The following CELF4 variants were observed in gnomAD, a reference collection of about 807,000 sequenced individuals.
CELF4 encodes CUG-BP- and ETR-3-like factor 4.
Under a neutral mutation model 59.9 loss-of-function variants are expected in CELF4, and 18 were observed. The observed-to-expected ratio is 0.30, with a 90% CI of 0.21 to 0.45. CELF4 has a LOEUF of 0.45. Among genes scored for constraint, CELF4 ranks in the 20% least tolerant of loss-of-function variants. The probability of loss-of-function intolerance (pLI) is 1.00; values close to 1 mark genes in which losing one functional copy is unlikely to be tolerated. For synonymous variants in CELF4, 261 were observed against 267.1 expected, an observed-to-expected ratio of 0.98 and a Z score of 0.22; for missense variants, 456 against 689.0, an observed-to-expected ratio of 0.66 and a Z score of 3.79.
intron 2 of CELF4, among the ~76,000 whole-genome samples, chr18:37,361,591 C>A (rs867217843): frequency 3.7e-4 from 57 of 152,340 alleles, no homozygotes; most frequent in African/African-American, 1.2e-3. Context: ...CACCCCTACT[C>A]AGCTCCAGGG....
In CELF4 at chr18:37,274,824, T is replaced by C; in HGVS notation, c.638A>G (p.His213Arg). 2 of 1,605,464 alleles carry C rather than the reference T, an allele frequency of 1.2e-6. No individual in the cohort carries two copies. Among genetic ancestry groups the C allele is most frequent in the Non-Finnish European group, 8.5e-7 (1 of 1,177,260 alleles). ...ACTCACCGGCATGGTCTGGCTGCCGTGTAGCGCGTTGATGGCGGCCTGCGC... is the reference window on the plus strand; with the variant it reads ...ACTCACCGGCATGGTCTGGCTGCCGCGTAGCGCGTTGATGGCGGCCTGCGC... ...AEAQAAINALHGSQTMPGASS... is the reference protein window; with the variant it reads ...AEAQAAINALRGSQTMPGASS... The change falls in exon 5 of 13, where the codon CAC (histidine) becomes CGC (arginine). Residue 213 changes from histidine to arginine, a missense_variant. His to Arg is a conservative substitution (Grantham distance 29). Around this residue, in one of 7 missense-constraint regions of CELF4, gnomAD observed 56 missense variants for 92.0 expected, o/e 0.61. Coordinates refer to ENST00000420428, the MANE Select transcript of CELF4 (RefSeq NM_020180.4).
chr18:37,297,691 CAGG>C (rs2095740385), intron 3 of CELF4, among the ~76,000 whole-genome samples: 1 of 152,242 alleles, frequency 6.6e-6, no homozygotes, highest in Admixed American at 6.5e-5. Flanking sequence ...TGACCCTTTC[CAGG>C]CAGGGTCCCC....
chr18:37,492,163 G>A (rs973443415), intron 1 of CELF4, among the ~76,000 whole-genome samples: 1 of 152,148 alleles, frequency 6.6e-6, no homozygotes, highest in African/African-American at 2.4e-5. Context: ...CTTGGACTTG[G>A]CCGGCCTGGA....
intron 1 of CELF4, among the ~76,000 whole-genome samples, chr18:37,500,572 C>T (rs1213272164): frequency 1.4e-4 from 21 of 147,084 alleles, no homozygotes; most frequent in African/African-American, 4.8e-4. Flanking sequence ...CTCACTTTGT[C>T]GCCCAGGCTG....
At chr18:37,509,750 G>A (rs2099942136) in intron 1 of CELF4, among the ~76,000 whole-genome samples, 1 of 152,174 alleles carries the variant, frequency 6.6e-6, no homozygotes, top group Non-Finnish European at 1.5e-5. Context: ...CCTAAAGTAG[G>A]AATAGCCTAC....
At chr18:37,374,115 G>A (rs900527471) in intron 2 of CELF4, among the ~76,000 whole-genome samples, 2 of 152,230 alleles carry the variant, frequency 1.3e-5, no homozygotes, top group South Asian at 2.1e-4. Flanking sequence ...CAGCCACTGA[G>A]ATCACAGGTG....
At chr18:37,500,331 C>T (rs979197184) in intron 1 of CELF4, among the ~76,000 whole-genome samples, 2 of 152,032 alleles carry the variant, frequency 1.3e-5, no homozygotes, top group Non-Finnish European at 2.9e-5. Context: ...TTGAGAGGAT[C>T]CAGGGATGGG....
At chr18:37,558,838 C>T (rs901414662) in intron 1 of CELF4, among the ~76,000 whole-genome samples, 3 of 141,736 alleles carry the variant, frequency 2.1e-5, no homozygotes, top group Non-Finnish European at 3.1e-5. Flanking sequence ...TGTGTGTACA[C>T]TATAAAAGGA....
At chr18:37,560,055 G>C (rs1436782630) in intron 1 of CELF4, among the ~76,000 whole-genome samples, 1 of 152,200 alleles carries the variant, frequency 6.6e-6, no homozygotes, top group Non-Finnish European at 1.5e-5. Context: ...AATTGGAGCA[G>C]GTGATGAAGG....
intron 2 of CELF4, among the ~76,000 whole-genome samples, chr18:37,341,370 C>A (rs562566245): frequency 6.6e-6 from 1 of 152,318 alleles, no homozygotes; most frequent in Admixed American, 6.5e-5. Context: ...TGGGCCACAG[C>A]CCACATGGGG....
intron 2 of CELF4, among the ~76,000 whole-genome samples, chr18:37,462,290 T>C (rs1261449828): frequency 6.6e-6 from 1 of 152,182 alleles, no homozygotes; most frequent in Admixed American, 6.5e-5. Flanking sequence ...GGGTATTCAG[T>C]AGCCTCCAGA....
chr18:37,279,673 T>C (rs1193923602), intron 3 of CELF4, among the ~76,000 whole-genome samples: 1 of 152,056 alleles, frequency 6.6e-6, no homozygotes, highest in Non-Finnish European at 1.5e-5. Flanking sequence ...CCATCCACAA[T>C]ACACAAGTCC....
chr18:37,500,739 T>A (rs1312820167), intron 1 of CELF4, among the ~76,000 whole-genome samples: 1 of 152,082 alleles, frequency 6.6e-6, no homozygotes, highest in Non-Finnish European at 1.5e-5. Context: ...TTTCACTGTG[T>A]TAGCCAGGAT....
chr18:37,475,802 C>T (rs1181679027), intron 2 of CELF4, among the ~76,000 whole-genome samples: 1 of 152,200 alleles, frequency 6.6e-6, no homozygotes, highest in Non-Finnish European at 1.5e-5. Context: ...ACTCCCAATT[C>T]CAGGAGGAAA....
chr18:37,517,806 C>T (rs532288965), intron 1 of CELF4, among the ~76,000 whole-genome samples: 71 of 152,242 alleles, frequency 4.7e-4, no homozygotes, highest in Non-Finnish European at 8.8e-4. Flanking sequence ...GTGGGACCTC[C>T]GAGGGTCAAG....
chr18:37,417,762 T>C lies in CELF4; in HGVS notation c.369+67763A>G, dbSNP rs1397033023. On this transcript the variant is annotated intron_variant, in intron 2 of 12. Transcript: ENST00000420428. ...TCTGATTCTAATCTTGGCCAGATCC[T>C]GACCATGTCAACCCCATCCAGATGT... Among the ~76,000 whole-genome samples, 7 of 152,240 alleles carry C rather than the reference T, an allele frequency of 4.6e-5. No individual in the cohort carries two copies. The East Asian group carries it at 1.3e-3, about 29-fold the overall frequency.
chr18:37,363,217 A>C (rs1206971034), intron 2 of CELF4, among the ~76,000 whole-genome samples: 1 of 152,122 alleles, frequency 6.6e-6, no homozygotes, highest in African/African-American at 2.4e-5. Flanking sequence ...GGAGGTGCTG[A>C]GTAGGCTTTC....
intron 2 of CELF4, among the ~76,000 whole-genome samples, chr18:37,388,880 G>C (rs1293253471): frequency 8.5e-5 from 13 of 152,124 alleles, no homozygotes; most frequent in Non-Finnish European, 1.9e-4. Flanking sequence ...GTGCCCTGAA[G>C]GGTGACCTGG....
chr18:37,252,284 C>T (rs2065954041), intron 12 of CELF4, among the ~76,000 whole-genome samples: 1 of 152,164 alleles, frequency 6.6e-6, no homozygotes, highest in African/African-American at 2.4e-5. Flanking sequence ...TTTCAAAATA[C>T]ACCTAGAAAT....
Sources: allele counts gnomAD v4.1 joint callset (sites outside exome capture counted in the v4.1 genomes callset), GRCh38; gene constraint gnomAD v4.1.1; regional missense constraint gnomAD v4.1.1; transcripts MANE v1.5; gene names NCBI Gene and HGNC (gene_info 2026-07-23, HGNC 2026-07-21).